Variants in UTP4 observed in about 807,000 individuals in gnomAD.
The protein encoded by UTP4 is UTP4 small subunit processome component, also known as U3 small nucleolar RNA-associated protein 4 homolog.
A neutral mutation model predicts 82.4 loss-of-function variants in UTP4; 45 were observed. The observed-to-expected ratio is 0.55, with a 90% CI of 0.43 to 0.70. The LOEUF (loss-of-function observed/expected upper bound fraction) is 0.70, where lower values mean the gene tolerates loss of function less well. UTP4 is among the 30% of genes least tolerant of loss of function. UTP4 has a pLI of 0.00. For synonymous variants in UTP4, 348 were observed against 300.3 expected (o/e 1.16, Z -1.64); for missense variants, 819 against 858.3 (o/e 0.95, Z 0.57).
At chr16:69,161,888 C>G (rs942200135) in intron 13 of UTP4, among the ~76,000 whole-genome samples, 1 of 151,932 alleles carries the variant, frequency 6.6e-6, no homozygotes, top group African/African-American at 2.4e-5. Context: ...TCTTGAACTC[C>G]TGGACTCAAG....
At chr16:69,160,729 TGGGATTACA>T (rs1447087745) in intron 13 of UTP4, among the ~76,000 whole-genome samples, 2 of 151,626 alleles carry the variant, frequency 1.3e-5, no homozygotes, top group Non-Finnish European at 2.9e-5. Flanking sequence ...CCTGAGTAGC[TGGGATTACA>T]GGTGTGTGCC....
intron 2 of UTP4, among the ~76,000 whole-genome samples, 175 bp from the exon 3 acceptor site, chr16:69,136,521 A>G (rs1303234001): frequency 6.6e-6 from 1 of 152,208 alleles, no homozygotes; most frequent in Non-Finnish European, 1.5e-5. Flanking sequence ...AACTGTATAA[A>G]AGTAATTAGA....
At chr16:69,141,482 TA>T (rs1448614726) in intron 5 of UTP4, among the ~76,000 whole-genome samples, 3 of 152,202 alleles carry the variant, frequency 2.0e-5, no homozygotes, top group African/African-American at 7.2e-5. Flanking sequence ...GGACCTGTTT[TA>T]TTTTTTTTTC....
At position 69,142,699 on chromosome 16, in the gene UTP4, C is replaced by A. The variant is rs541232765; in HGVS notation, c.527-479C>A. 1.4e-4 allele frequency among the ~76,000 whole-genome samples: 22 copies of A among 152,302 alleles called. 1 individual carries two copies. The Middle Eastern group carries it at 0.01, about 71-fold the overall frequency. On this transcript the variant is annotated intron_variant, in intron 5 of 16. Transcript: ENST00000314423. Reference sequence around the variant, plus strand: ...CACTACTTGTCTGCTTTCCAGTTCCCCAAATTTTGTCACTGATCTCTCCCT... The same window carrying A: ...CACTACTTGTCTGCTTTCCAGTTCCACAAATTTTGTCACTGATCTCTCCCT...
intron 6 of UTP4, among the ~76,000 whole-genome samples, chr16:69,150,050 T>G (rs1311092401): frequency 6.6e-6 from 1 of 152,194 alleles, no homozygotes; most frequent in Non-Finnish European, 1.5e-5. Context: ...ATATTTTTAA[T>G]GAAATAAACG....
chr16:69,147,708 T>C (rs1963155130), intron 6 of UTP4, among the ~76,000 whole-genome samples: 1 of 152,138 alleles, frequency 6.6e-6, no homozygotes, highest in Non-Finnish European at 1.5e-5. Context: ...GCATTTATGT[T>C]TCATACGTCC....
rs572101357 is a variant in UTP4, at chr16:69,147,312, T to C, written c.739-3225T>C. On this transcript the variant is annotated intron_variant, in intron 6 of 16. Transcript: ENST00000314423. Reference sequence around the variant, plus strand: ...TGAGCTCAGGAGTTCCAGACCAGCCTGGGCAACATGGTGAAACTCTGTCTC... The same window carrying C: ...TGAGCTCAGGAGTTCCAGACCAGCCCGGGCAACATGGTGAAACTCTGTCTC... 7.2e-5 allele frequency among the ~76,000 whole-genome samples: 11 copies of C among 151,854 alleles called. No individual in the cohort carries two copies. In the South Asian group the frequency reaches 2.3e-3, roughly 32 times the overall value.
At chr16:69,168,312 T>C (rs996409600) in intron 16 of UTP4, among the ~76,000 whole-genome samples, 4 of 151,896 alleles carry the variant, frequency 2.6e-5, no homozygotes, top group African/African-American at 9.7e-5. Context: ...GGTGGGCACC[T>C]GTAGTCCCAG....
intron 5 of UTP4, chr16:69,142,163 G>A (rs1288657591): frequency 6.6e-6 from 1 of 152,118 alleles, no homozygotes; most frequent in Non-Finnish European, 1.5e-5. Flanking sequence ...GCATCATGTG[G>A]CTTACTGAGC....
At chr16:69,147,903 A>G (rs1418208050) in intron 6 of UTP4, among the ~76,000 whole-genome samples, 1 of 152,000 alleles carries the variant, frequency 6.6e-6, no homozygotes, top group African/African-American at 2.4e-5. Flanking sequence ...TTTAGCTGGG[A>G]CTACAGGCTC....
chr16:69,164,947 G>A (rs11645660), intron 14 of UTP4, among the ~76,000 whole-genome samples: 13 of 152,282 alleles, frequency 8.5e-5, no homozygotes, highest in Non-Finnish European at 1.3e-4. Context: ...TGTAATCCCA[G>A]CACTTTGGGA....
Position 69,157,165 on chromosome 16 carries a change from A to T in UTP4, c.1369A>T (p.Asn457Tyr), listed in dbSNP as rs1187960055. The change falls in exon 12 of 17, where the codon AAT (asparagine) becomes TAT (tyrosine). Residue 457 changes from asparagine (N) to tyrosine (Y), a missense_variant. Physicochemically the swap from Asn to Tyr is moderately radical, Grantham distance 143 (BLOSUM62 -2). Coordinates refer to ENST00000314423, the MANE Select transcript of UTP4 (RefSeq NM_032830.3). ...TTCAACAAAGCTCTTTGTAGCATCA[A>T]ATCAAGGAGCTCTGCATATTGTTCA... The part of the protein sequence containing the change: ...EDSTKLFVAS[N>Y]QGALHIVQLS... The T allele has an allele frequency of 1.2e-6, 2 of 1,614,210 alleles. No homozygotes were observed. The highest frequency in any genetic ancestry group is 1.6e-4 in the Middle Eastern group (1 of 6,062).
At position 69,137,895 on chromosome 16, in the gene UTP4, A is replaced by G. The variant is rs781484069; in HGVS notation, c.436+10A>G. On this transcript the variant is annotated intron_variant, in intron 4 of 16. Transcript: ENST00000314423. ...TTTGATCGGCAGAAAAGTAAGCGTC[A>G]TTTTTCATGGGGCGGTAAATAGCCT... 3 of 1,553,838 alleles carry G rather than the reference A, an allele frequency of 1.9e-6. No homozygotes were observed. Among genetic ancestry groups the G allele is most frequent in the Non-Finnish European group, 2.7e-6 (3 of 1,125,106 alleles).
chr16:69,148,847 T>TA (rs1963188241), intron 6 of UTP4, among the ~76,000 whole-genome samples: 2 of 152,084 alleles, frequency 1.3e-5, no homozygotes, highest in South Asian at 4.1e-4. Flanking sequence ...TTGAAGTGAT[T>TA]CTCCTGCCTT....
intron 6 of UTP4, among the ~76,000 whole-genome samples, chr16:69,146,100 AAAAAAAAAAG>A (rs757825117): frequency 1.1e-4 from 16 of 151,834 alleles, no homozygotes; most frequent in Non-Finnish European, 1.9e-4. Flanking sequence ...CTGTCTCAAA[AAAAAAAAAAG>A]AAAAAAAAAG....
intron 4 of UTP4, among the ~76,000 whole-genome samples, chr16:69,138,429 G>T (rs1962868627): frequency 6.6e-6 from 1 of 152,028 alleles, no homozygotes; most frequent in Non-Finnish European, 1.5e-5. Context: ...GTAGAGACAG[G>T]ATTTCACCAT....
rs142116140 is a variant in UTP4 at position 69,143,186 on chromosome 16, G to T, written c.535G>T (p.Val179Phe). The T allele has an allele frequency of 1.5e-4, 245 of 1,614,200 alleles. No individual in the cohort carries two copies. The African/African-American group carries it at 2.7e-3, about 18-fold the overall frequency. Residue 179 changes from valine to phenylalanine, a missense_variant, in exon 6 of 17, where the codon GTT (valine) becomes TTT (phenylalanine). Physicochemically the swap from Val to Phe is conservative, Grantham distance 50. Coordinates refer to ENST00000314423, the MANE Select transcript of UTP4 (RefSeq NM_032830.3). ...SVFDVKSGSA[V>F]HKMIVDRQYM... is the part of the protein sequence containing the mutation. ...CTTTTCTGATTTTTCAGGCAGCGCTGTTCATAAGATGATTGTGGACAGGCA... is the reference window on the plus strand; with the variant it reads ...CTTTTCTGATTTTTCAGGCAGCGCTTTTCATAAGATGATTGTGGACAGGCA...
At position 69,167,163 on chromosome 16, in the gene UTP4, T is replaced by C; in HGVS notation, c.1922T>C (p.Phe641Ser). 1 of 1,611,040 alleles carries C rather than the reference T, an allele frequency of 6.2e-7. No individual in the cohort carries two copies. Among genetic ancestry groups the C allele is most frequent in the African/African-American group, 1.3e-5 (1 of 74,982 alleles). ...ATCCGGAGGCGCACAGCTCATGCTTTTAAAATTTCTAAGATATATAAGGTA... is the reference window on the plus strand; with the variant it reads ...ATCCGGAGGCGCACAGCTCATGCTTCTAAAATTTCTAAGATATATAAGGTA... ...DVIRRRTAHA[F>S]KISKIYKPLL... Residue 641 changes from phenylalanine (F) to serine (S), a missense_variant, in exon 16 of 17, where the codon TTT becomes TCT. Phe to Ser is a radical substitution (Grantham distance 155). Coordinates refer to ENST00000314423, the MANE Select transcript of UTP4 (RefSeq NM_032830.3).
intron 4 of UTP4, 61 bp from the exon 5 acceptor site, chr16:69,139,764 C>T (rs927136754): frequency 3.4e-5 from 37 of 1,078,446 alleles, no homozygotes; most frequent in Middle Eastern, 4.0e-4. Flanking sequence ...GAAGAGAGCT[C>T]AGTTACTCTT....
Sources: gnomAD v4.1 joint callset for allele counts (sites outside exome capture counted in the v4.1 genomes callset) on GRCh38, gnomAD v4.1.1 for gene constraint, MANE v1.5 for transcripts, NCBI Gene and HGNC (gene_info 2026-07-23, HGNC 2026-07-21) for gene names.